UBE2E3: variants seen among roughly 807,000 people sequenced by gnomAD.
UBE2E3 encodes ubiquitin conjugating enzyme E2 E3.
A neutral mutation model predicts 23.6 loss-of-function variants in UBE2E3; 5 were observed. The observed-to-expected ratio is 0.21, with a 90% CI of 0.11 to 0.44. The LOEUF is 0.44. Ranked by LOEUF, UBE2E3 falls within the 20% of genes least tolerant of loss-of-function variation. The pLI, the probability that UBE2E3 is intolerant of heterozygous loss-of-function variation, is 0.99. For missense variants in UBE2E3, 81 were observed against 249.8 expected (o/e 0.32, Z 4.55); for synonymous variants, 78 against 87.5 (o/e 0.89, Z 0.60).
chr2:180,988,094 C>G (rs954367543), intron 3 of UBE2E3, among the ~76,000 whole-genome samples: 32 of 151,972 alleles, frequency 2.1e-4, no homozygotes, highest in African/African-American at 7.7e-4. Flanking sequence ...AAAATGATAC[C>G]CCCCTTTATA....
chr2:181,004,447 G>A (rs6759951), intron 3 of UBE2E3, among the ~76,000 whole-genome samples: 35,296 of 151,870 alleles, frequency 0.23, 4,472 homozygotes, highest in Non-Finnish European at 0.28. Context: ...ATCCTGGCCA[G>A]CATGGTGAAA....
intron 3 of UBE2E3, among the ~76,000 whole-genome samples, chr2:180,986,500 A>C (rs1463320588): frequency 6.6e-6 from 1 of 152,152 alleles, no homozygotes; most frequent in Non-Finnish European, 1.5e-5. Context: ...CCTTCATGTC[A>C]GATCTGTGAC....
intron 3 of UBE2E3, among the ~76,000 whole-genome samples, chr2:181,013,610 C>T (rs533034078): frequency 3.8e-4 from 58 of 152,256 alleles, no homozygotes; most frequent in African/African-American, 1.3e-3. Flanking sequence ...TCCATGTAAC[C>T]TGGACTTCTA....
At chr2:181,037,463 C>T (rs1574208402) in intron 3 of UBE2E3, among the ~76,000 whole-genome samples, 1 of 151,990 alleles carries the variant, frequency 6.6e-6, no homozygotes, top group Non-Finnish European at 1.5e-5. Flanking sequence ...TATATATGCT[C>T]CTGAGCCTGT....
chr2:181,054,543 G>T (rs1264054027), intron 3 of UBE2E3, among the ~76,000 whole-genome samples: 1 of 151,762 alleles, frequency 6.6e-6, no homozygotes, highest in African/African-American at 2.4e-5. Context: ...TTGGTGTGAG[G>T]TATCTGTTCA....
rs190824860 is a variant in UBE2E3 at position 181,034,869 on chromosome 2, T to A, written c.246-22824T>A. ...TTGAGTAATAGAAAAAAATTAGAAT[T>A]TGAAAAATTTGAAGAATTTAAAAAG... On this transcript the variant is annotated intron_variant, in intron 3 of 5. Coordinates refer to ENST00000410062, the MANE Select transcript of UBE2E3 (RefSeq NM_006357.4). Among the ~76,000 whole-genome samples, 180 of 152,234 alleles carry A rather than the reference T, an allele frequency of 1.2e-3. 1 individual carries two copies. The highest frequency in any genetic ancestry group is 4.0e-3 in the African/African-American group (168 of 41,544).
intron 3 of UBE2E3, chr2:180,989,925 G>C: frequency 6.5e-7 from 1 of 1,549,508 alleles, no homozygotes; most frequent in Non-Finnish European, 8.7e-7. Context: ...CATTCAGATT[G>C]AGAATGAAGA....
At chr2:181,033,484 A>G (rs1686155820) in intron 3 of UBE2E3, among the ~76,000 whole-genome samples, 1 of 152,236 alleles carries the variant, frequency 6.6e-6, no homozygotes, top group South Asian at 2.1e-4. Flanking sequence ...CATATGTAGA[A>G]AGCTGAAACT....
rs183438506 is a variant in UBE2E3, at chr2:181,009,562, T to G, written c.245+25469T>G. Among the ~76,000 whole-genome samples, 952 of 152,084 alleles carry G rather than the reference T, an allele frequency of 6.3e-3. 14 individuals are homozygous for G. Among genetic ancestry groups the G allele is most frequent in the African/African-American group, 0.021 (885 of 41,484 alleles). On this transcript the variant is annotated intron_variant, in intron 3 of 5. Coordinates refer to ENST00000410062, the MANE Select transcript of UBE2E3 (RefSeq NM_006357.4). ...ACTAGGCTTTATTATTTTATTTTAT[T>G]AATTATGGTTCTCTATATAGTTCTT...
At chr2:181,056,788 T>C (rs1194418798) in intron 3 of UBE2E3, among the ~76,000 whole-genome samples, 1 of 151,758 alleles carries the variant, frequency 6.6e-6, no homozygotes, top group Non-Finnish European at 1.5e-5. Flanking sequence ...TGTCCAAATA[T>C]TGCTTATTGG....
intron 3 of UBE2E3, among the ~76,000 whole-genome samples, chr2:180,997,628 A>G (rs572596090): frequency 6.6e-6 from 1 of 152,266 alleles, no homozygotes; most frequent in South Asian, 2.1e-4. Context: ...GTGGTTGTCT[A>G]TCAAAAGTAC....
At chr2:181,039,832 T>C (rs1574210946) in intron 3 of UBE2E3, among the ~76,000 whole-genome samples, 1 of 152,200 alleles carries the variant, frequency 6.6e-6, no homozygotes, top group East Asian at 1.9e-4. Flanking sequence ...GTTCCTTATA[T>C]AAAATGGCAT....
chr2:181,017,200 G>T, intron 3 of UBE2E3, among the ~76,000 whole-genome samples: 1 of 152,068 alleles, frequency 6.6e-6, no homozygotes, highest in South Asian at 2.1e-4. Flanking sequence ...TAGGGATCGG[G>T]AGTATGGAAG....
At chr2:180,986,569 C>T (rs1404438381) in intron 3 of UBE2E3, among the ~76,000 whole-genome samples, 4 of 151,940 alleles carry the variant, frequency 2.6e-5, no homozygotes, top group South Asian at 2.1e-4. Context: ...TTTAGCTTTA[C>T]GGTGATTGTA....
chr2:181,047,768 C>T, intron 3 of UBE2E3, among the ~76,000 whole-genome samples: 1 of 152,068 alleles, frequency 6.6e-6, no homozygotes, highest in Non-Finnish European at 1.5e-5. Context: ...GGGCCTCCTC[C>T]AGACCATTTT....
chr2:181,042,661 TCA>T (rs372781641), intron 3 of UBE2E3, among the ~76,000 whole-genome samples: 93 of 152,300 alleles, frequency 6.1e-4, no homozygotes, highest in Middle Eastern at 3.4e-3. Flanking sequence ...GCACCTGACC[TCA>T]GTTTCCTCAT....
At chr2:181,043,281 T>A (rs1214079949) in intron 3 of UBE2E3, among the ~76,000 whole-genome samples, 3 of 152,204 alleles carry the variant, frequency 2.0e-5, no homozygotes, top group Non-Finnish European at 4.4e-5. Flanking sequence ...AAATGAATGC[T>A]TACTAGTAGC....
chr2:181,048,590 T>A (rs1686739248), intron 3 of UBE2E3, among the ~76,000 whole-genome samples: 1 of 152,036 alleles, frequency 6.6e-6, no homozygotes, highest in Non-Finnish European at 1.5e-5. Context: ...CACTAGCACA[T>A]ACCTAGGTCT....
intron 3 of UBE2E3, among the ~76,000 whole-genome samples, chr2:181,001,449 G>T (rs1412474516): frequency 6.6e-6 from 1 of 152,126 alleles, no homozygotes; most frequent in African/African-American, 2.4e-5. Flanking sequence ...ACCCCCAACT[G>T]TGAATGTAGA....
Sources: gnomAD v4.1 joint callset for allele counts (sites outside exome capture counted in the v4.1 genomes callset) on GRCh38, gnomAD v4.1.1 for gene constraint, MANE v1.5 for transcripts, NCBI Gene and HGNC (gene_info 2026-07-23, HGNC 2026-07-21) for gene names.